Variants in CDH13 observed in about 807,000 individuals in gnomAD.
CDH13 encodes cadherin-13.
In CDH13, 24 loss-of-function variants were observed where a neutral mutation model predicts 63.8. The ratio of observed to expected loss-of-function variants is 0.38; its 90% confidence interval spans 0.27 to 0.53. CDH13 has a LOEUF of 0.53. Ranked by LOEUF, CDH13 falls within the 20% of genes least tolerant of loss-of-function variation. The pLI is 0.85. For synonymous variants in CDH13, 503 were observed against 355.3 expected, an observed-to-expected ratio of 1.42 and a Z score of -4.67; for missense variants, 1,049 against 903.1, an observed-to-expected ratio of 1.16 and a Z score of -2.07.
intron 2 of CDH13, among the ~76,000 whole-genome samples, chr16:82,863,461 G>A (rs566851015): frequency 3.5e-4 from 54 of 152,152 alleles, no homozygotes; most frequent in African/African-American, 1.1e-3. Context: ...AACTCATATC[G>A]ACTAGAATTC....
intron 10 of CDH13, among the ~76,000 whole-genome samples, chr16:83,733,472 C>T (rs931538141): frequency 6.6e-6 from 1 of 152,180 alleles, no homozygotes; most frequent in Non-Finnish European, 1.5e-5. Flanking sequence ...CTAAGCTAAG[C>T]ACAGCTGCCT....
At chr16:83,080,838 T>C (rs1319821655) in intron 3 of CDH13, among the ~76,000 whole-genome samples, 1 of 148,946 alleles carries the variant, frequency 6.7e-6, no homozygotes, top group Non-Finnish European at 1.5e-5. Context: ...TAGTAAGGAC[T>C]CCAGGCAAGA....
chr16:82,722,726 A>T (rs942337226), intron 1 of CDH13, among the ~76,000 whole-genome samples: 2 of 152,184 alleles, frequency 1.3e-5, no homozygotes, highest in East Asian at 3.9e-4. Context: ...AGCTCTGCCT[A>T]GTTCTCCTGC....
intron 5 of CDH13, among the ~76,000 whole-genome samples, chr16:83,226,840 G>A (rs572569498): frequency 6.6e-6 from 1 of 151,914 alleles, no homozygotes; most frequent in African/African-American, 2.4e-5. Flanking sequence ...ATCCCCAAAT[G>A]CAGGGGCACG....
At chr16:83,775,216 G>T (rs1204066624) in intron 11 of CDH13, among the ~76,000 whole-genome samples, 2 of 151,776 alleles carry the variant, frequency 1.3e-5, no homozygotes, top group Non-Finnish European at 2.9e-5. Context: ...CAATGAATTG[G>T]CCTCAGATCT....
chr16:82,728,989 A>G, intron 1 of CDH13, among the ~76,000 whole-genome samples: 1 of 152,166 alleles, frequency 6.6e-6, no homozygotes, highest in Non-Finnish European at 1.5e-5. Context: ...CATCTATAAG[A>G]AGCAACTCCT....
intron 4 of CDH13, among the ~76,000 whole-genome samples, chr16:83,160,499 T>A (rs1259194560): frequency 1.3e-5 from 2 of 152,174 alleles, no homozygotes; most frequent in East Asian, 3.9e-4. Flanking sequence ...TTTTTGTGAA[T>A]GTCAGCAAAT....
chr16:82,744,325 G>A (rs181142120), intron 1 of CDH13, among the ~76,000 whole-genome samples: 159 of 152,284 alleles, frequency 1.0e-3, no homozygotes, highest in African/African-American at 3.6e-3. Context: ...TCTCGCTTTT[G>A]TAGTCGTTTT....
intron 1 of CDH13, among the ~76,000 whole-genome samples, chr16:82,643,475 G>C (rs1430323471): frequency 6.6e-6 from 1 of 152,212 alleles, no homozygotes; most frequent in East Asian, 1.9e-4. Context: ...TCAGGATTAA[G>C]ACCCAGGCTG....
At chr16:83,232,100 G>A (rs1008138747) in intron 5 of CDH13, among the ~76,000 whole-genome samples, 4 of 151,716 alleles carry the variant, frequency 2.6e-5, no homozygotes, top group African/African-American at 9.7e-5. Context: ...ACTAATGGGT[G>A]CTAGGCTTAA....
intron 1 of CDH13, among the ~76,000 whole-genome samples, chr16:82,728,183 A>T (rs1160467237): frequency 6.6e-6 from 1 of 152,202 alleles, no homozygotes; most frequent in Non-Finnish European, 1.5e-5. Flanking sequence ...CTCTGGCATT[A>T]AAAACATTTG....
intron 1 of CDH13, among the ~76,000 whole-genome samples, chr16:82,735,188 C>T (rs1419755858): frequency 6.6e-6 from 1 of 152,214 alleles, no homozygotes; most frequent in East Asian, 1.9e-4. Flanking sequence ...GTTATTAAAT[C>T]TCCCCACCCA....
chr16:83,484,257 A>G (rs751818081), intron 6 of CDH13, among the ~76,000 whole-genome samples: 16 of 152,182 alleles, frequency 1.1e-4, no homozygotes, highest in Non-Finnish European at 2.1e-4. Flanking sequence ...TGGTGGTAAA[A>G]CCAGATGAAT....
At chr16:82,881,504 T>C (rs7201513) in intron 2 of CDH13, among the ~76,000 whole-genome samples, 115,220 of 152,010 alleles carry the variant, frequency 0.76, 43,942 homozygotes, top group East Asian at 0.88. Flanking sequence ...TTTTTGGATG[T>C]GGGCTGTGGG....
intron 6 of CDH13, among the ~76,000 whole-genome samples, chr16:83,451,554 C>A (rs775604674): frequency 9.2e-5 from 14 of 152,214 alleles, no homozygotes; most frequent in Non-Finnish European, 1.9e-4. Flanking sequence ...GGCTCTTCCG[C>A]TGTCATCCAG....
rs76820008 is a variant in CDH13, at chr16:83,331,439, A to G, written c.637-13423A>G. On this transcript the variant is annotated intron_variant, in intron 5 of 13. Transcript: ENST00000567109. ...AATGTGTGTTTCTTTCTCATTAATC[A>G]TCAATGCTGAGGGATGTTGCATGTC... Among the ~76,000 whole-genome samples, 497 of 152,332 alleles carry G rather than the reference A, an allele frequency of 3.3e-3. 4 individuals are homozygous for G. The highest frequency in any genetic ancestry group is 0.011 in the African/African-American group (470 of 41,584).
At chr16:82,667,681 A>G (rs1239063144) in intron 1 of CDH13, among the ~76,000 whole-genome samples, 1 of 152,144 alleles carries the variant, frequency 6.6e-6, no homozygotes, top group Admixed American at 6.5e-5. Context: ...AGGAAGGCGA[A>G]GCAGTGCACC....
chr16:83,315,867 T>C (rs1472530895), intron 5 of CDH13, among the ~76,000 whole-genome samples: 1 of 152,204 alleles, frequency 6.6e-6, no homozygotes, highest in Non-Finnish European at 1.5e-5. Context: ...TGCTAGGTTC[T>C]AGTGTTATAG....
intron 2 of CDH13, among the ~76,000 whole-genome samples, chr16:82,900,993 C>T (rs764037414): frequency 6.6e-6 from 1 of 152,078 alleles, no homozygotes; most frequent in African/African-American, 2.4e-5. Context: ...GCCCAGAATG[C>T]CAAGGGAAGT....
Sources: gnomAD v4.1 joint callset for allele counts (sites outside exome capture counted in the v4.1 genomes callset) on GRCh38, gnomAD v4.1.1 for gene constraint, MANE v1.5 for transcripts, NCBI Gene and HGNC (gene_info 2026-07-23, HGNC 2026-07-21) for gene names.